RIGI: variants seen among roughly 807,000 people sequenced by gnomAD.
RIGI encodes RNA sensor RIG-I.
At chr9:32,510,541 G>C in the RIGI span, among the ~76,000 whole-genome samples, 1 of 152,190 alleles carries the variant, frequency 6.6e-6, no homozygotes, top group Admixed American at 6.5e-5. Context: ...CAAATGCTGA[G>C]AGATTTTGTC....
At chr9:32,487,144 A>G in the RIGI span, among the ~76,000 whole-genome samples, 2 of 152,208 alleles carry the variant, frequency 1.3e-5, no homozygotes, top group African/African-American at 4.8e-5. Context: ...GAGCATGGGA[A>G]AAGGCTGAGT....
chr9:32,501,554 G>C, the RIGI span, among the ~76,000 whole-genome samples: 2 of 152,058 alleles, frequency 1.3e-5, no homozygotes, highest in African/African-American at 4.8e-5. Context: ...TACTTCCATG[G>C]TCCTTTTGGG....
chr9:32,516,878 A>G, the RIGI span, among the ~76,000 whole-genome samples: 1 of 152,218 alleles, frequency 6.6e-6, no homozygotes, highest in Non-Finnish European at 1.5e-5. Flanking sequence ...TTGAGAGAGA[A>G]AAGCACCTCG....
At chr9:32,520,179 C>T in the RIGI span, among the ~76,000 whole-genome samples, 12 of 151,500 alleles carry the variant, frequency 7.9e-5, no homozygotes, top group Admixed American at 7.2e-4. Context: ...GTAAGTTTGG[C>T]ACAGGACTTA....
At chr9:32,492,097 TA>T in the RIGI span, among the ~76,000 whole-genome samples, 1 of 152,240 alleles carries the variant, frequency 6.6e-6, no homozygotes, top group East Asian at 1.9e-4. Context: ...ATTTCTCTGA[TA>T]ATCTAAACTT....
chr9:32,517,190 T>C, the RIGI span, among the ~76,000 whole-genome samples: 1 of 152,200 alleles, frequency 6.6e-6, no homozygotes, highest in East Asian at 1.9e-4. Context: ...CTTTGGAATC[T>C]AGCTTCTAAA....
At chr9:32,461,647 C>G in the RIGI span, among the ~76,000 whole-genome samples, 1 of 152,098 alleles carries the variant, frequency 6.6e-6, no homozygotes, top group Non-Finnish European at 1.5e-5. Context: ...GGGTAAATGC[C>G]CATCACCGTT....
the RIGI span, among the ~76,000 whole-genome samples, chr9:32,464,921 C>T: frequency 6.6e-6 from 1 of 152,168 alleles, no homozygotes; most frequent in African/African-American, 2.4e-5. Flanking sequence ...CCTCCTCACC[C>T]CACTCCTTAT....
chr9:32,458,724 C>T, the RIGI span, among the ~76,000 whole-genome samples: 3 of 152,080 alleles, frequency 2.0e-5, no homozygotes, highest in East Asian at 1.9e-4. Flanking sequence ...CCCAGTTTCC[C>T]CAAATGTTAA....
chr9:32,491,299 A>G, the RIGI span: 1 of 1,613,054 alleles, frequency 6.2e-7, no homozygotes, highest in Non-Finnish European at 8.5e-7. Flanking sequence ...AATACCAGGT[A>G]CCTGAAGGTG....
chr9:32,485,170 C>A, the RIGI span: 5 of 1,582,602 alleles, frequency 3.2e-6, no homozygotes, highest in Non-Finnish European at 4.3e-6. Context: ...TGAGATTTAT[C>A]TCACCGAGGT....
the RIGI span, among the ~76,000 whole-genome samples, chr9:32,469,741 T>G: frequency 1.2e-4 from 18 of 152,236 alleles, no homozygotes; most frequent in African/African-American, 4.3e-4. Context: ...GAAGTTTGGA[T>G]GTGATAATCA....
chr9:32,488,961 T>G, the RIGI span: 1,362 of 1,341,908 alleles, frequency 1.0e-3, 9 homozygotes, highest in African/African-American at 0.018. Context: ...TGTTTATTTT[T>G]GGCTCTTCTA....
the RIGI span, among the ~76,000 whole-genome samples, chr9:32,482,224 TTTC>T: frequency 1.9e-4 from 29 of 152,120 alleles, 1 homozygote; most frequent in South Asian, 4.2e-4. Context: ...TGTTTGATTG[TTTC>T]TTGAGTACTG....
the RIGI span, among the ~76,000 whole-genome samples, chr9:32,469,599 TTCTACTTAGAC>T: frequency 6.6e-6 from 1 of 152,220 alleles, no homozygotes; most frequent in Admixed American, 6.5e-5. Context: ...CCACACCCCC[TTCTACTTAGAC>T]TAGCGTAAGT....
chr9:32,510,913 G>GA, the RIGI span, among the ~76,000 whole-genome samples: 32 of 131,918 alleles, frequency 2.4e-4, no homozygotes, highest in East Asian at 1.3e-3. Context: ...CAAATGGAAA[G>GA]AAAAAAAAAA....
chr9:32,476,337 A>G, the RIGI span, among the ~76,000 whole-genome samples: 2 of 152,082 alleles, frequency 1.3e-5, no homozygotes, highest in Non-Finnish European at 2.9e-5. Flanking sequence ...CTCTACAAAA[A>G]TAAATAAACA....
chr9:32,514,014 A>G, the RIGI span, among the ~76,000 whole-genome samples: 1 of 152,220 alleles, frequency 6.6e-6, no homozygotes, highest in African/African-American at 2.4e-5. Flanking sequence ...GCAAATCAAA[A>G]CCACAATGAG....
chr9:32,462,719 C>G, the RIGI span, among the ~76,000 whole-genome samples: 1 of 152,050 alleles, frequency 6.6e-6, no homozygotes, highest in Non-Finnish European at 1.5e-5. Context: ...TCCTTTCCCC[C>G]ACTCCCCCTT....
Sources: allele counts gnomAD v4.1 joint callset (sites outside exome capture counted in the v4.1 genomes callset), GRCh38; gene constraint gnomAD v4.1.1; transcripts MANE v1.5; gene names NCBI Gene and HGNC (gene_info 2026-07-23, HGNC 2026-07-21).